Variants in PTPRC observed in about 807,000 individuals in gnomAD.
The protein encoded by PTPRC is receptor-type tyrosine-protein phosphatase C.
PTPRC carries 44 observed loss-of-function variants against 155.9 expected under a neutral mutation model. The ratio of observed to expected loss-of-function variants is 0.28; its 90% CI spans 0.22 to 0.36. The LOEUF is 0.36. PTPRC is among the 10% of genes least tolerant of loss of function. The pLI, the probability that PTPRC is intolerant of heterozygous loss-of-function variation, is 1.00. For synonymous variants in PTPRC, 525 were observed against 533.1 expected, an observed-to-expected ratio of 0.98 and a Z score of 0.21; for missense variants, 1,401 against 1,564.6, an observed-to-expected ratio of 0.90 and a Z score of 1.76.
chr1:198,657,694 T>C (rs1248356832), intron 2 of PTPRC: 1 of 152,180 alleles, frequency 6.6e-6, no homozygotes, highest in Non-Finnish European at 1.5e-5. Context: ...ACCAGAAATC[T>C]GAAACCCCAT....
intron 23 of PTPRC, among the ~76,000 whole-genome samples, chr1:198,736,936 G>A (rs1447836152): frequency 1.3e-5 from 2 of 151,556 alleles, no homozygotes; most frequent in Admixed American, 1.3e-4. Flanking sequence ...TTCTCTGATA[G>A]TAAATAATGT....
chr1:198,696,658 G>T (rs2102384194), intron 3 of PTPRC, 54 bp from the exon 4 acceptor site: 1 of 1,433,510 alleles, frequency 7.0e-7, no homozygotes, highest in East Asian at 2.3e-5. Flanking sequence ...CATACATTTA[G>T]GGTATGATTC....
chr1:198,750,910 C>T (rs554332591), intron 29 of PTPRC, among the ~76,000 whole-genome samples: 3 of 151,960 alleles, frequency 2.0e-5, no homozygotes, highest in Non-Finnish European at 4.4e-5. Context: ...TACATTTTCA[C>T]GCTGTTTTCC....
chr1:198,752,142 T>C lies in PTPRC; in HGVS notation c.3208-107T>C, dbSNP rs576015976. ...ATTTTAGAACACAATAATTTTCATT[T>C]AATAGAAAAGAGGCACAGACAGAGA... is the stretch of plus-strand genomic sequence containing the variant. On this transcript the variant is annotated intron_variant, in intron 29 of 32. Coordinates refer to ENST00000442510, the MANE Select transcript of PTPRC (RefSeq NM_002838.5). The C allele has an allele frequency of 3.9e-6, 5 of 1,290,640 alleles. No homozygotes were observed. In the African/African-American group the frequency reaches 4.4e-5, roughly 11 times the overall value. The allele number at this position is 1,290,640 out of a possible 1,614,324, so 79.9% of individuals were successfully genotyped here. A position where few individuals can be genotyped will look rare whatever the true frequency, so the allele number is the denominator to read the frequency against.
At chr1:198,748,721 C>T (rs1655249518) in intron 27 of PTPRC, among the ~76,000 whole-genome samples, 1 of 151,656 alleles carries the variant, frequency 6.6e-6, no homozygotes. Flanking sequence ...ACTATTTAAG[C>T]ATATTAAAAT....
At chr1:198,729,227 C>A in intron 17 of PTPRC, 56 bp downstream of exon 17, 1 of 1,509,286 alleles carries the variant, frequency 6.6e-7, no homozygotes, top group Non-Finnish European at 8.9e-7. Flanking sequence ...TGAATCCATT[C>A]ATTTTATTTA....
In PTPRC at chr1:198,699,584, C is replaced by T; in HGVS notation, c.319C>T (p.Pro107Ser). Residue 107 changes from proline (P) to serine (S), a missense_variant, in exon 5 of 33, where the codon CCT becomes TCT. Pro to Ser is a moderately conservative substitution (Grantham distance 74). This residue lies in a region of PTPRC where 867 missense variants were observed against 970.4 expected (regional missense o/e 0.89). Transcript: ENST00000442510. ...CTTAGGTGTTTCATCAGTACAGACG[C>T]CTCACCTTCCCACGCACGCAGACTC... ...NTTGVSSVQTPHLPTHADSQT... is the reference protein window; with the variant it reads ...NTTGVSSVQTSHLPTHADSQT... The T allele has an allele frequency of 6.2e-7, 1 of 1,614,200 alleles. No homozygotes were observed.
chr1:198,692,683 C>A, intron 3 of PTPRC: 3 of 933,712 alleles, frequency 3.2e-6, no homozygotes, highest in Non-Finnish European at 3.9e-6. Context: ...TAAAAAAATG[C>A]ATTTAAATTA....
chr1:198,749,396 T>A lies in PTPRC; in HGVS notation c.2939-20T>A. ...TTTAATTTTTTCAAGGAAGACTTAC[T>A]ACTGATTTATTTCACATAGATGACT... On this transcript the variant is annotated intron_variant, in intron 27 of 32. Transcript: ENST00000442510. The A allele has an allele frequency of 1.2e-6, 2 of 1,602,688 alleles. No homozygotes were observed. The highest frequency in any genetic ancestry group is 1.7e-6 in the Non-Finnish European group (2 of 1,170,996).
intron 28 of PTPRC, among the ~76,000 whole-genome samples, chr1:198,750,031 A>T (rs1278698434): frequency 1.4e-5 from 2 of 141,614 alleles, no homozygotes; most frequent in Non-Finnish European, 3.0e-5. Context: ...TTAAATATTT[A>T]TTATTTATAC....
At chr1:198,688,515 G>A (rs1199194365) in intron 2 of PTPRC, among the ~76,000 whole-genome samples, 2 of 152,136 alleles carry the variant, frequency 1.3e-5, no homozygotes, top group Non-Finnish European at 2.9e-5. Context: ...TATTAGTGTA[G>A]TTTGGTTGAC....
chr1:198,641,173 C>T (rs1312098743), intron 2 of PTPRC, among the ~76,000 whole-genome samples: 1 of 151,958 alleles, frequency 6.6e-6, no homozygotes, highest in Non-Finnish European at 1.5e-5. Flanking sequence ...GAGATATATG[C>T]TTATTTGTGG....
chr1:198,717,419 G>T lies in PTPRC; in HGVS notation c.1450+579G>T, dbSNP rs146496757. 5.2e-3 allele frequency among the ~76,000 whole-genome samples: 798 copies of T among 152,262 alleles called. 8 individuals carry two copies. Among genetic ancestry groups the T allele is most frequent in the African/African-American group, 0.018 (734 of 41,542 alleles). The stretch of plus-strand genomic sequence containing the variant: ...GCCCAAAGTTAGATCTGCTTCTGGG[G>T]CACATGTTAACCTCCATCGAGGACA... On this transcript the variant is annotated intron_variant, in intron 13 of 32. Transcript: ENST00000442510.
intron 23 of PTPRC, 68 bp from the exon 24 acceptor site, chr1:198,741,801 C>G: frequency 6.7e-7 from 1 of 1,483,828 alleles, no homozygotes; most frequent in African/African-American, 1.4e-5. Flanking sequence ...GTACTCCCTT[C>G]CACTTATTTA....
intron 23 of PTPRC, among the ~76,000 whole-genome samples, chr1:198,737,307 T>C (rs985488365): frequency 1.3e-5 from 2 of 151,594 alleles, no homozygotes; most frequent in Admixed American, 1.3e-4. Context: ...TTTCTTTTAG[T>C]AGTTTCATAG....
At chr1:198,649,082 T>A (rs1037107101) in intron 2 of PTPRC, among the ~76,000 whole-genome samples, 1 of 151,832 alleles carries the variant, frequency 6.6e-6, no homozygotes, top group African/African-American at 2.4e-5. Flanking sequence ...AAATCCATCC[T>A]ACACTTTTTA....
intron 2 of PTPRC, among the ~76,000 whole-genome samples, chr1:198,652,004 G>A (rs867301840): frequency 6.6e-6 from 1 of 151,662 alleles, no homozygotes; most frequent in Admixed American, 6.6e-5. Context: ...TCTTAATAGG[G>A]AAAACAGAAT....
intron 2 of PTPRC, among the ~76,000 whole-genome samples, chr1:198,668,453 A>G (rs7556469): frequency 0.088 from 13,379 of 152,198 alleles, 968 homozygotes; most frequent in African/African-American, 0.19. Flanking sequence ...GAAGGGCATA[A>G]CACAAAGGAA....
At chr1:198,647,996 T>C (rs1174075827) in intron 2 of PTPRC, among the ~76,000 whole-genome samples, 2 of 151,876 alleles carry the variant, frequency 1.3e-5, no homozygotes, top group Non-Finnish European at 2.9e-5. Context: ...TTATAAATTA[T>C]AAATTTAAAA....
Sources: gnomAD v4.1 joint callset for allele counts (sites outside exome capture counted in the v4.1 genomes callset) on GRCh38, gnomAD v4.1.1 for gene constraint, gnomAD v4.1.1 regional missense constraint, MANE v1.5 for transcripts, NCBI Gene and HGNC (gene_info 2026-07-23, HGNC 2026-07-21) for gene names.